CYP1A1: variants seen among roughly 807,000 people sequenced by gnomAD.
The protein encoded by CYP1A1 is cytochrome P450 1A1.
In CYP1A1, 43 loss-of-function variants were observed where a neutral mutation model predicts 33.6. That is an observed-to-expected ratio of 1.28 (90% confidence interval 1.00 to 1.65). The LOEUF is 1.65. Among genes scored for constraint, CYP1A1 ranks in the 40% most tolerant of loss-of-function variants. The pLI, the probability that CYP1A1 is intolerant of heterozygous loss-of-function variation, is 0.00. For synonymous variants in CYP1A1, 280 were observed against 257.8 expected (o/e 1.09, Z -0.83); for missense variants, 637 against 653.7 (o/e 0.97, Z 0.28).
chr15:74,721,918 G>A, intron 2 of CYP1A1: 2 of 636,760 alleles, frequency 3.1e-6, no homozygotes, highest in East Asian at 2.7e-5. Context: ...TGGGACATTT[G>A]ACACACAGCG....
chr15:74,721,902 A>C, intron 2 of CYP1A1, 185 bp from the exon 3 acceptor site: 1 of 682,608 alleles, frequency 1.5e-6, no homozygotes, highest in East Asian at 2.7e-5. Context: ...TGCTAGCCCC[A>C]ACTCATGGGA....
In CYP1A1 at chr15:74,722,516, C is replaced by T. The variant is rs1567196767; in HGVS notation, c.582G>A (p.Val194=). The T allele has an allele frequency of 6.2e-7, 1 of 1,614,002 alleles. No individual in the cohort carries two copies. The highest frequency in any genetic ancestry group is 8.5e-7 in the Non-Finnish European group (1 of 1,180,004). ...AGCAAATGGCACAGATGACATTGGT[C>T]ACTGATACCACCACATACCTGTAGG... is the stretch of plus-strand genomic sequence containing the variant. The part of the protein sequence containing the change: ...FNPYRYVVVS[V]TNVICAICFG... Residue 194 remains valine (V), a synonymous_variant, in exon 2 of 7, where the codon GTG becomes GTA. Transcript: ENST00000379727.
intron 1 of CYP1A1, among the ~76,000 whole-genome samples, chr15:74,724,134 T>A (rs923447678): frequency 6.6e-6 from 1 of 151,984 alleles, no homozygotes; most frequent in African/African-American, 2.4e-5. Flanking sequence ...TCTCAATGAA[T>A]GAACAGTTTG....
rs1177040739 is a variant in CYP1A1, at chr15:74,722,910, A to T, written c.188T>A (p.Leu63Gln). 1 of 1,614,178 alleles carries T rather than the reference A, an allele frequency of 6.2e-7. No homozygotes were observed. Among genetic ancestry groups the T allele is most frequent in the African/African-American group, 1.3e-5 (1 of 75,030 alleles). Residue 63 changes from leucine (L) to glutamine (Q), a missense_variant, in exon 2 of 7, where the codon CTG becomes CAG. Leu to Gln is a moderately radical substitution (Grantham distance 113, BLOSUM62 -2). Transcript: ENST00000379727. ...CCCATACTGCTGGCTCATCCTTGACAGTGCCAGGTGCGGGTTCTTTCCCAG... is the reference window on the plus strand; with the variant it reads ...CCCATACTGCTGGCTCATCCTTGACTGTGCCAGGTGCGGGTTCTTTCCCAG... ...LTLGKNPHLA[L>Q]SRMSQQYGDV...
At position 74,722,791 on chromosome 15, in the gene CYP1A1, A is replaced by C. The variant is rs548096213; in HGVS notation, c.307T>G (p.Phe103Val). The C allele has an allele frequency of 3.2e-6, 5 of 1,573,276 alleles. No homozygotes were observed. The East Asian group carries it at 1.2e-4, about 36-fold the overall frequency. Residue 103 changes from phenylalanine to valine, a missense_variant, in exon 2 of 7, where the codon TTC becomes GTC. Phe to Val is a conservative substitution (Grantham distance 50). Transcript: ENST00000379727. ...GTGTAGAGGTCGGGCCGGCCCTTGA[A>C]ATCATCGCCCTGCCGCACCAGGGCC... ...RQALVRQGDD[F>V]KGRPDLYTFT...
At position 74,722,692 on chromosome 15, in the gene CYP1A1, G is replaced by A. The variant is rs141291433; in HGVS notation, c.406C>T (p.Arg136Cys). Reference sequence around the variant, plus strand: ...CTTTTCAGGCCATTCTGGGCCAGGCGCCGGCGGGCAGCCCACACTGGTCCA... The same window carrying A: ...CTTTTCAGGCCATTCTGGGCCAGGCACCGGCGGGCAGCCCACACTGGTCCA... ...DSGPVWAARRRLAQNGLKSFS... is the reference protein window; with the variant it reads ...DSGPVWAARRCLAQNGLKSFS... The change falls in exon 2 of 7, where the codon CGC becomes TGC. Residue 136 changes from arginine to cysteine, a missense_variant. Transcript: ENST00000379727. 34 of 1,613,390 alleles carry A rather than the reference G, an allele frequency of 2.1e-5. No homozygotes were observed. Among genetic ancestry groups the A allele is most frequent in the Middle Eastern group, 3.3e-4 (2 of 6,084 alleles).
rs776374978 is a variant in CYP1A1, at chr15:74,721,694, GT to G, written c.848del (p.Asp283AlafsTer3). The G allele has an allele frequency of 5.6e-6, 9 of 1,614,162 alleles. No homozygotes were observed. In the South Asian group the frequency reaches 8.8e-5, roughly 16 times the overall value. ...TCTCCTGACAGTGCTCAATCAGGCT[GT>G]CTGTGATGTCCCGGATGTGGCCCTT... ...FEKGHIRDIT[D>X]SLIEHCQEKQ... On this transcript the variant is annotated frameshift_variant, in exon 3 of 7. Transcript: ENST00000379727. LOFTEE classifies it high-confidence loss of function.
chr15:74,723,851 G>A (rs4646421), intron 1 of CYP1A1, among the ~76,000 whole-genome samples: 32,708 of 152,078 alleles, frequency 0.22, 4,844 homozygotes, highest in East Asian at 0.41. Flanking sequence ...GCTGTCACAT[G>A]TACCTCCTTT....
chr15:74,721,528 T>G, intron 3 of CYP1A1, 25 bp from the exon 4 acceptor site: 1 of 1,614,042 alleles, frequency 6.2e-7, no homozygotes. Flanking sequence ...ACAGAAGAAG[T>G]TAGGCAGGCA....
At position 74,722,629 on chromosome 15, in the gene CYP1A1, A is replaced by G. The variant is rs2063181290; in HGVS notation, c.469T>C (p.Cys157Arg). 1.2e-6 allele frequency: 2 copies of G among 1,614,040 alleles called. No homozygotes were observed. The highest frequency in any genetic ancestry group is 1.7e-6 in the Non-Finnish European group (2 of 1,180,020). Residue 157 changes from cysteine (C) to arginine (R), a missense_variant, in exon 2 of 7, where the codon TGC (cysteine) becomes CGC (arginine). Cys to Arg is a radical substitution (Grantham distance 180). Coordinates refer to ENST00000379727, the MANE Select transcript of CYP1A1 (RefSeq NM_001319217.2). ...TTGCTCACATGCTCTTCCAGGTAGC[A>G]GGAGGTTGAGGAGGCTGGGTCAGAG... The part of the protein sequence containing the change: ...IASDPASSTS[C>R]YLEEHVSKEA...
At position 74,722,832 on chromosome 15, in the gene CYP1A1, A is replaced by G; in HGVS notation, c.266T>C (p.Leu89Pro). Reference sequence around the variant, plus strand: ...CACCAGGGCCTGCCGGATGGTGTCCAGGCCGCTCAGCACCACCACGGGTGT... The same window carrying G: ...CACCAGGGCCTGCCGGATGGTGTCCGGGCCGCTCAGCACCACCACGGGTGT... The part of the protein sequence containing the change: ...GSTPVVVLSG[L>P]DTIRQALVRQ... Residue 89 changes from leucine to proline, a missense_variant, in exon 2 of 7, where the codon CTG becomes CCG. Transcript: ENST00000379727. The G allele has an allele frequency of 6.2e-7, 1 of 1,614,024 alleles. No individual in the cohort carries two copies. Among genetic ancestry groups the G allele is most frequent in the Non-Finnish European group, 8.5e-7 (1 of 1,180,028 alleles).
At position 74,720,463 on chromosome 15, in the gene CYP1A1, G is replaced by A. The variant is rs1362572248; in HGVS notation, c.*26C>T. 6.5e-7 allele frequency: 1 copy of A among 1,538,434 alleles called. No individual in the cohort carries two copies. The highest frequency in any genetic ancestry group is 1.3e-5 in the South Asian group (1 of 78,324). On this transcript the variant is annotated 3_prime_UTR_variant, in exon 7 of 7. Transcript: ENST00000379727. ...TGCCCAACCAGACCAGGTAGACAGA[G>A]TCTAGGCCTCAGGGCTCTCAAGCAC...
At chr15:74,721,910 G>A in intron 2 of CYP1A1, 193 bp from the exon 3 acceptor site, 1 of 664,490 alleles carries the variant, frequency 1.5e-6, no homozygotes, top group South Asian at 1.9e-5. Flanking sequence ...CCAACTCATG[G>A]GACATTTGAC....
intron 5 of CYP1A1, 63 bp from the exon 6 acceptor site, chr15:74,721,116 C>A: frequency 6.2e-7 from 1 of 1,610,208 alleles, no homozygotes; most frequent in South Asian, 1.1e-5. Flanking sequence ...TCTCCCATGC[C>A]GTGTCCCTCC....
In CYP1A1 at chr15:74,722,709, A is replaced by G; in HGVS notation, c.389T>C (p.Val130Ala). ...GGCCAGGCGCCGGCGGGCAGCCCAC[A>G]CTGGTCCAGAGTCTGGGCTGAAGGA... Reference protein sequence around the residue: ...SMSFSPDSGPVWAARRRLAQN... With the variant: ...SMSFSPDSGPAWAARRRLAQN... Residue 130 changes from valine to alanine, a missense_variant, in exon 2 of 7, where the codon GTG (valine) becomes GCG (alanine). Physicochemically the swap from Val to Ala is moderately conservative, Grantham distance 64. Transcript: ENST00000379727. The G allele has an allele frequency of 6.2e-7, 1 of 1,613,302 alleles. No homozygotes were observed. Among genetic ancestry groups the G allele is most frequent in the Non-Finnish European group, 8.5e-7 (1 of 1,179,998 alleles).
rs763080902 is a variant in CYP1A1, at chr15:74,721,429, T to G, written c.1027A>C (p.Ile343Leu). ...LVMNPRVQRK[I>L]QEELDTVIGR... ...CACTACCTACCTAGCTCCTCTTGGA[T>G]CTTTCTCTGTACCCTGGGGTTCATC... Residue 343 changes from isoleucine to leucine, a missense_variant, in exon 4 of 7, where the codon ATC (isoleucine) becomes CTC (leucine). Physicochemically the swap from Ile to Leu is conservative, Grantham distance 5. Coordinates refer to ENST00000379727, the MANE Select transcript of CYP1A1 (RefSeq NM_001319217.2). 4.3e-6 allele frequency: 7 copies of G among 1,614,062 alleles called. No individual in the cohort carries two copies. The Admixed American group carries it at 1.2e-4, about 27-fold the overall frequency.
chr15:74,724,400 G>C (rs1420986534), intron 1 of CYP1A1, among the ~76,000 whole-genome samples: 1 of 152,056 alleles, frequency 6.6e-6, no homozygotes, highest in Non-Finnish European at 1.5e-5. Context: ...TAGTCAAAGT[G>C]ATCTTGGACT....
In CYP1A1 at chr15:74,721,492, C is replaced by T; in HGVS notation, c.964G>A (p.Val322Ile). Reference sequence around the variant, plus strand: ...AGGCTCCAGGAGATAGCAGTTGTGACTGTGTCAAACCCTGGACAGGGTAGA... The same window carrying T: ...AGGCTCCAGGAGATAGCAGTTGTGATTGTGTCAAACCCTGGACAGGGTAGA... ...LDLFGAGFDT[V>I]TTAISWSLMY... Residue 322 changes from valine to isoleucine, a missense_variant, in exon 4 of 7, where the codon GTC becomes ATC. Transcript: ENST00000379727. The T allele has an allele frequency of 6.2e-7, 1 of 1,614,190 alleles. No individual in the cohort carries two copies. Among genetic ancestry groups the T allele is most frequent in the Non-Finnish European group, 8.5e-7 (1 of 1,180,034 alleles).
In CYP1A1 at chr15:74,724,084, A is replaced by G. The variant is rs4646420; in HGVS notation, c.-29-958T>C. 6.0e-4 allele frequency among the ~76,000 whole-genome samples: 91 copies of G among 152,292 alleles called. No individual in the cohort carries two copies. The East Asian group carries it at 0.015, about 25-fold the overall frequency. On this transcript the variant is annotated intron_variant, in intron 1 of 6. Coordinates refer to ENST00000379727, the MANE Select transcript of CYP1A1 (RefSeq NM_001319217.2). Reference sequence around the variant, plus strand: ...GGAGACCAGCTAGATTGAGCTCTTTAGTCAGAGAAATCCAGGCCAGGGTTT... The same window carrying G: ...GGAGACCAGCTAGATTGAGCTCTTTGGTCAGAGAAATCCAGGCCAGGGTTT...
Sources: allele counts gnomAD v4.1 joint callset (sites outside exome capture counted in the v4.1 genomes callset), GRCh38; gene constraint gnomAD v4.1.1; transcripts MANE v1.5; gene names NCBI Gene and HGNC (gene_info 2026-07-23, HGNC 2026-07-21).